The following CNTN5 variants were observed in gnomAD, a reference collection of about 807,000 sequenced individuals.
CNTN5 encodes contactin-5.
CNTN5 carries 77 observed loss-of-function variants against 129.1 expected under a neutral mutation model. The ratio of observed to expected loss-of-function variants is 0.60; its 90% CI spans 0.50 to 0.72. The LOEUF (loss-of-function observed/expected upper bound fraction) is 0.72, where lower values mean the gene tolerates loss of function less well. Ranked by LOEUF, CNTN5 falls within the 30% of genes least tolerant of loss-of-function variation. The pLI is 0.00. For missense variants in CNTN5, 1,478 were observed against 1,328.8 expected, an observed-to-expected ratio of 1.11 and a Z score of -1.75; for synonymous variants, 509 against 465.6, an observed-to-expected ratio of 1.09 and a Z score of -1.20.
intron 6 of CNTN5, among the ~76,000 whole-genome samples, chr11:99,864,110 G>T (rs1258015224): frequency 6.6e-6 from 1 of 152,120 alleles, no homozygotes; most frequent in Non-Finnish European, 1.5e-5. Flanking sequence ...TATTGTTAAT[G>T]CATGATATAT....
At chr11:99,402,265 AT>A (rs919366731) in intron 2 of CNTN5, among the ~76,000 whole-genome samples, 7 of 151,732 alleles carry the variant, frequency 4.6e-5, no homozygotes, top group Non-Finnish European at 1.0e-4. Flanking sequence ...TTTTTTAAGC[AT>A]TTTTAACATG....
Position 99,522,349 on chromosome 11 carries a change from C to T in CNTN5, c.-70-33796C>T, listed in dbSNP as rs575139791. ...CTGAATTTTCATCATTAATTGAGGT[C>T]AATAAATCTAATTTGAAGTATCAGG... On this transcript the variant is annotated intron_variant, in intron 2 of 24. Transcript: ENST00000524871. Among the ~76,000 whole-genome samples the T allele has an allele frequency of 2.0e-5, 3 of 152,020 alleles. No individual in the cohort carries two copies. The South Asian group carries it at 6.2e-4, about 32-fold the overall frequency.
intron 3 of CNTN5, among the ~76,000 whole-genome samples, chr11:99,623,741 C>CAAAAAAAA (rs5794000): frequency 1.5e-4 from 20 of 130,250 alleles, no homozygotes; most frequent in Non-Finnish European, 2.4e-4. Flanking sequence ...GAGAAAGATA[C>CAAAAAAAA]AAAAAATAAA....
At chr11:100,240,747 A>T (rs1054103076) in intron 16 of CNTN5, among the ~76,000 whole-genome samples, 1 of 152,206 alleles carries the variant, frequency 6.6e-6, no homozygotes, top group African/African-American at 2.4e-5. Flanking sequence ...AATATTTTTT[A>T]AAGTGCCCTA....
chr11:99,201,317 C>A (rs1859172914), intron 1 of CNTN5, among the ~76,000 whole-genome samples: 1 of 96,862 alleles, frequency 1.0e-5, no homozygotes, highest in South Asian at 3.9e-4. Flanking sequence ...AGCCACTGCG[C>A]CTGGCCCCTT....
At chr11:99,638,439 A>C (rs1288619657) in intron 3 of CNTN5, among the ~76,000 whole-genome samples, 1 of 152,106 alleles carries the variant, frequency 6.6e-6, no homozygotes, top group Non-Finnish European at 1.5e-5. Flanking sequence ...ATGCCTTCTC[A>C]ACAGTCCCCC....
intron 2 of CNTN5, among the ~76,000 whole-genome samples, chr11:99,477,197 T>A (rs1945403610): frequency 6.6e-6 from 1 of 152,010 alleles, no homozygotes. Context: ...ATTTGATAGT[T>A]GTTTTGTTTA....
intron 3 of CNTN5, among the ~76,000 whole-genome samples, chr11:99,689,394 G>C (rs1953937374): frequency 6.6e-6 from 1 of 151,860 alleles, no homozygotes; most frequent in African/African-American, 2.4e-5. Flanking sequence ...GGGCGTGGTG[G>C]TGGGCGCCTG....
At chr11:99,437,564 A>G (rs1213460445) in intron 2 of CNTN5, among the ~76,000 whole-genome samples, 2 of 152,202 alleles carry the variant, frequency 1.3e-5, no homozygotes, top group Non-Finnish European at 1.5e-5. Context: ...GTTGCGGCTC[A>G]TGCCTGTAAT....
At chr11:99,978,288 A>G (rs947689573) in intron 8 of CNTN5, among the ~76,000 whole-genome samples, 1 of 152,242 alleles carries the variant, frequency 6.6e-6, no homozygotes, top group African/African-American at 2.4e-5. Flanking sequence ...ATAAGTTTAT[A>G]AAGTAAAAAT....
At chr11:99,856,706 C>T (rs1435604056) in intron 6 of CNTN5, among the ~76,000 whole-genome samples, 1 of 152,118 alleles carries the variant, frequency 6.6e-6, no homozygotes, top group Non-Finnish European at 1.5e-5. Flanking sequence ...TTGTCTAAAT[C>T]TATTCATATC....
intron 17 of CNTN5, among the ~76,000 whole-genome samples, chr11:100,261,755 C>T (rs1190932063): frequency 6.6e-6 from 1 of 152,126 alleles, no homozygotes; most frequent in Non-Finnish European, 1.5e-5. Context: ...ATGCAGAAAA[C>T]AGCAACTGGA....
chr11:100,336,901 C>T (rs1186316812), intron 21 of CNTN5: 1 of 573,104 alleles, frequency 1.7e-6, no homozygotes, highest in East Asian at 3.1e-5. Context: ...ACTCATAGGG[C>T]AGCCGGTGAA....
At chr11:100,312,865 T>C (rs897943120) in intron 21 of CNTN5, among the ~76,000 whole-genome samples, 5 of 152,052 alleles carry the variant, frequency 3.3e-5, no homozygotes, top group Non-Finnish European at 1.5e-5. Context: ...ATAAGATAGA[T>C]AAGGTTCTGA....
intron 3 of CNTN5, among the ~76,000 whole-genome samples, chr11:99,751,453 G>A (rs1944233442): frequency 6.6e-6 from 1 of 151,934 alleles, no homozygotes; most frequent in Non-Finnish European, 1.5e-5. Flanking sequence ...ATTTAAATGG[G>A]AAATACAGAA....
chr11:99,339,544 C>A (rs1367916367), intron 2 of CNTN5, among the ~76,000 whole-genome samples: 1 of 151,996 alleles, frequency 6.6e-6, no homozygotes, highest in Admixed American at 6.6e-5. Context: ...CTTTGGGAGG[C>A]CGAGACGGGT....
At chr11:100,148,347 A>G (rs1946926551) in intron 13 of CNTN5, among the ~76,000 whole-genome samples, 1 of 152,202 alleles carries the variant, frequency 6.6e-6, no homozygotes, top group African/African-American at 2.4e-5. Flanking sequence ...TCTCAGGGCT[A>G]AGTGCCATGG....
intron 3 of CNTN5, among the ~76,000 whole-genome samples, chr11:99,601,985 A>ATACC (rs1950325912): frequency 6.6e-6 from 1 of 152,182 alleles, no homozygotes; most frequent in African/African-American, 2.4e-5. Flanking sequence ...ATATACCTAT[A>ATACC]TACCTATATA....
chr11:99,037,224 T>A (rs998413216), intron 1 of CNTN5, among the ~76,000 whole-genome samples: 1 of 152,222 alleles, frequency 6.6e-6, no homozygotes, highest in Non-Finnish European at 1.5e-5. Context: ...GGGAATTTTT[T>A]TCACCAGACT....
Sources: gnomAD v4.1 joint callset for allele counts (sites outside exome capture counted in the v4.1 genomes callset) on GRCh38, gnomAD v4.1.1 for gene constraint, MANE v1.5 for transcripts, NCBI Gene and HGNC (gene_info 2026-07-23, HGNC 2026-07-21) for gene names.